The following GALNT13 variants were observed in gnomAD, a reference collection of about 807,000 sequenced individuals.
The protein encoded by GALNT13 is UDP-GalNAc:polypeptide N-acetylgalactosaminyltransferase 13.
In GALNT13, 28 loss-of-function variants were observed where a neutral mutation model predicts 64.2. The ratio of observed to expected loss-of-function variants is 0.44; its 90% confidence interval spans 0.32 to 0.60. The LOEUF (loss-of-function observed/expected upper bound fraction) is 0.60, where lower values mean the gene tolerates loss of function less well. Among genes scored for constraint, GALNT13 ranks in the 20% least tolerant of loss-of-function variants. The pLI is 0.05. For synonymous variants in GALNT13, 214 were observed against 224.6 expected (o/e 0.95, Z 0.42); for missense variants, 577 against 669.8 (o/e 0.86, Z 1.53).
At chr2:154,209,365 C>A (rs1177916306) in intron 4 of GALNT13, among the ~76,000 whole-genome samples, 2 of 152,068 alleles carry the variant, frequency 1.3e-5, no homozygotes, top group African/African-American at 2.4e-5. Flanking sequence ...TGCTTGCATG[C>A]AAATAAATAC....
chr2:153,993,466 C>T (rs895096296), intron 3 of GALNT13, among the ~76,000 whole-genome samples: 2 of 151,790 alleles, frequency 1.3e-5, no homozygotes, highest in Non-Finnish European at 2.9e-5. Context: ...GAAGCCGAGG[C>T]GGGCAGATCA....
the GALNT13 span, among the ~76,000 whole-genome samples, chr2:153,437,246 C>A: frequency 4.6e-5 from 7 of 151,896 alleles, no homozygotes; most frequent in South Asian, 6.2e-4. Context: ...TTACTTCCAA[C>A]TATGTGGTCA....
chr2:154,058,611 A>G (rs1700019580), intron 3 of GALNT13, among the ~76,000 whole-genome samples: 1 of 152,172 alleles, frequency 6.6e-6, no homozygotes, highest in Non-Finnish European at 1.5e-5. Flanking sequence ...TCCTGTGGAT[A>G]TTTGGGAAGT....
At chr2:153,517,182 G>T in the GALNT13 span, among the ~76,000 whole-genome samples, 1 of 152,072 alleles carries the variant, frequency 6.6e-6, no homozygotes, top group East Asian at 1.9e-4. Flanking sequence ...ATAAAAAATA[G>T]TACATATACT....
At chr2:153,170,965 GA>G in the GALNT13 span, among the ~76,000 whole-genome samples, 23 of 149,644 alleles carry the variant, frequency 1.5e-4, no homozygotes, top group Admixed American at 4.7e-4. Context: ...ATCAAGAGAT[GA>G]AATTATTTTT....
intron 2 of GALNT13, among the ~76,000 whole-genome samples, chr2:153,905,296 T>C (rs1259821458): frequency 1.3e-5 from 2 of 151,960 alleles, no homozygotes; most frequent in African/African-American, 4.8e-5. Flanking sequence ...TTCCTCCTTA[T>C]TAACTGGGGA....
chr2:153,166,473 C>G, the GALNT13 span, among the ~76,000 whole-genome samples: 2 of 152,152 alleles, frequency 1.3e-5, no homozygotes, highest in East Asian at 3.9e-4. Flanking sequence ...AAGAATGACT[C>G]AGACAAATCC....
chr2:153,661,353 G>A, the GALNT13 span, among the ~76,000 whole-genome samples: 1 of 152,108 alleles, frequency 6.6e-6, no homozygotes, highest in Admixed American at 6.6e-5. Flanking sequence ...ACTGGGACCT[G>A]AAGATAACAA....
chr2:154,306,372 C>T (rs1179884432), intron 9 of GALNT13, among the ~76,000 whole-genome samples: 1 of 151,930 alleles, frequency 6.6e-6, no homozygotes, highest in Non-Finnish European at 1.5e-5. Context: ...CATTGTTCAC[C>T]TCCCACTCAT....
the GALNT13 span, among the ~76,000 whole-genome samples, chr2:153,124,905 A>G: frequency 6.6e-6 from 1 of 152,158 alleles, no homozygotes; most frequent in South Asian, 2.1e-4. Context: ...TATGAACCCA[A>G]TAGTTTCATG....
the GALNT13 span, among the ~76,000 whole-genome samples, chr2:153,156,827 A>G: frequency 7.2e-5 from 11 of 152,248 alleles, no homozygotes; most frequent in African/African-American, 2.6e-4. Context: ...CATTGCATGG[A>G]GGTAAAGACT....
At chr2:153,433,485 T>A in the GALNT13 span, among the ~76,000 whole-genome samples, 1 of 152,206 alleles carries the variant, frequency 6.6e-6, no homozygotes, top group Non-Finnish European at 1.5e-5. Context: ...ACGTTAACTT[T>A]GTTTTCTTTT....
At chr2:154,138,791 A>G (rs1427315592) in intron 3 of GALNT13, among the ~76,000 whole-genome samples, 1 of 151,998 alleles carries the variant, frequency 6.6e-6, no homozygotes, top group Admixed American at 6.6e-5. Flanking sequence ...CCAAAGCCAA[A>G]TCCAATAACG....
chr2:153,804,789 G>C, the GALNT13 span, among the ~76,000 whole-genome samples: 1 of 151,980 alleles, frequency 6.6e-6, no homozygotes, highest in Non-Finnish European at 1.5e-5. Flanking sequence ...ATAAAGAGCA[G>C]AATCATGTCT....
chr2:154,332,916 C>A (rs563628099), intron 9 of GALNT13, among the ~76,000 whole-genome samples: 11 of 151,934 alleles, frequency 7.2e-5, no homozygotes, highest in East Asian at 3.9e-4. Flanking sequence ...ACACAAAAAA[C>A]CCATAGGTGT....
the GALNT13 span, among the ~76,000 whole-genome samples, chr2:153,864,165 G>A: frequency 6.6e-6 from 1 of 152,008 alleles, no homozygotes; most frequent in Non-Finnish European, 1.5e-5. Flanking sequence ...AGCGTACATA[G>A]TCAGGCTGGC....
At chr2:153,144,109 A>G in the GALNT13 span, among the ~76,000 whole-genome samples, 1 of 151,914 alleles carries the variant, frequency 6.6e-6, no homozygotes, top group Non-Finnish European at 1.5e-5. Context: ...AGGGCTATAA[A>G]TAATTCTTTT....
chr2:153,702,300 A>C, the GALNT13 span, among the ~76,000 whole-genome samples: 4 of 152,072 alleles, frequency 2.6e-5, no homozygotes, highest in Non-Finnish European at 5.9e-5. Context: ...AACAATGAGA[A>C]CACATGAACC....
At position 154,265,773 on chromosome 2, in the gene GALNT13, A is replaced by T. The variant is rs372788898; in HGVS notation, c.975+6635A>T. Among the ~76,000 whole-genome samples the T allele has an allele frequency of 2.6e-5, 4 of 152,228 alleles. No homozygotes were observed. The East Asian group carries it at 7.7e-4, about 29-fold the overall frequency. On this transcript the variant is annotated intron_variant, in intron 8 of 12. Transcript: ENST00000392825. ...ACCTCCCAATTCATTCTGTGAGATC[A>T]GCATTACACAGATACCAAAACTTGA...
Sources: allele counts gnomAD v4.1 joint callset (sites outside exome capture counted in the v4.1 genomes callset), GRCh38; gene constraint gnomAD v4.1.1; transcripts MANE v1.5; gene names NCBI Gene and HGNC (gene_info 2026-07-23, HGNC 2026-07-21).